The following DAB1 variants were observed in gnomAD, a reference collection of about 807,000 sequenced individuals.
The protein encoded by DAB1 is DAB adaptor protein 1.
In DAB1, 15 loss-of-function variants were observed where a neutral mutation model predicts 64.6. The ratio of observed to expected loss-of-function variants is 0.23; its 90% CI spans 0.16 to 0.36. The LOEUF is 0.36. Ranked by LOEUF, DAB1 falls within the 10% of genes least tolerant of loss-of-function variation. The pLI is 1.00. For missense variants in DAB1, 596 were observed against 706.7 expected (o/e 0.84, Z 1.78); for synonymous variants, 235 against 251.9 (o/e 0.93, Z 0.64).
At chr1:57,337,713 G>A (rs1677195701) in intron 1 of DAB1, among the ~76,000 whole-genome samples, 1 of 152,022 alleles carries the variant, frequency 6.6e-6, no homozygotes, top group Non-Finnish European at 1.5e-5. Context: ...ATGAATATTT[G>A]TGCCAGTGAG....
At chr1:57,049,095 A>T (rs1459102619) in intron 9 of DAB1, among the ~76,000 whole-genome samples, 2 of 152,140 alleles carry the variant, frequency 1.3e-5, no homozygotes, top group African/African-American at 2.4e-5. Flanking sequence ...TGAGTCCTGG[A>T]CTGAGAACAG....
chr1:57,758,574 G>A (rs1648925176), intron 6 of DAB1, among the ~76,000 whole-genome samples: 1 of 152,156 alleles, frequency 6.6e-6, no homozygotes, highest in South Asian at 2.1e-4. Flanking sequence ...ATTGGAGGAG[G>A]GAGGGAGCAA....
chr1:57,450,767 A>G (rs1478476267), intron 7 of DAB1, among the ~76,000 whole-genome samples: 1 of 152,224 alleles, frequency 6.6e-6, no homozygotes, highest in African/African-American at 2.4e-5. Context: ...TCACTCTTTT[A>G]AAACAATGAA....
chr1:57,004,289 C>T (rs1418840763), intron 14 of DAB1, among the ~76,000 whole-genome samples: 1 of 152,192 alleles, frequency 6.6e-6, no homozygotes, highest in Non-Finnish European at 1.5e-5. Flanking sequence ...TAACAAGACG[C>T]TCTTGGAAGC....
At chr1:57,394,111 C>T (rs1405000747) in intron 1 of DAB1, among the ~76,000 whole-genome samples, 13 of 152,174 alleles carry the variant, frequency 8.5e-5, no homozygotes, top group Admixed American at 6.5e-4. Context: ...ATATATGGTG[C>T]AGTGAAAGAA....
chr1:58,517,878 A>T (rs913791599), intron 2 of DAB1, among the ~76,000 whole-genome samples: 1 of 151,826 alleles, frequency 6.6e-6, no homozygotes, highest in Non-Finnish European at 1.5e-5. Context: ...GTCTTCTTAA[A>T]GCCTTATCTT....
chr1:57,084,294 C>A (rs1043882252), intron 4 of DAB1, among the ~76,000 whole-genome samples: 1 of 152,050 alleles, frequency 6.6e-6, no homozygotes, highest in Non-Finnish European at 1.5e-5. Flanking sequence ...TGGTGATATG[C>A]CCAGAAGAAA....
chr1:57,897,613 G>A (rs1342207429), intron 5 of DAB1, among the ~76,000 whole-genome samples: 1 of 152,114 alleles, frequency 6.6e-6, no homozygotes. Context: ...CCTTAAAATT[G>A]TATTACTCTC....
chr1:57,286,826 C>A (rs541217003), intron 2 of DAB1, among the ~76,000 whole-genome samples: 1 of 152,230 alleles, frequency 6.6e-6, no homozygotes, highest in South Asian at 2.1e-4. Flanking sequence ...CATTCCTTAA[C>A]CTAACGAATC....
At chr1:57,555,025 ATTTTTTTTT>A (rs34370854) in intron 7 of DAB1, among the ~76,000 whole-genome samples, 2 of 68,448 alleles carry the variant, frequency 2.9e-5, no homozygotes, top group African/African-American at 1.1e-4. Context: ...CGGTATCTCT[ATTTTTTTTT>A]TTTTTTTTTT....
At chr1:57,821,185 C>T (rs776578618), downstream of DAB1, among the ~76,000 whole-genome samples, 19 of 152,130 alleles carry the variant, frequency 1.2e-4, no homozygotes, top group Non-Finnish European at 1.9e-4. Flanking sequence ...GATGCACCAT[C>T]GCCCCCAGAG....
chr1:58,390,985 G>C (rs747324771), intron 3 of DAB1, among the ~76,000 whole-genome samples: 16 of 152,118 alleles, frequency 1.1e-4, no homozygotes, highest in African/African-American at 3.9e-4. Flanking sequence ...TAACGCATTC[G>C]TCATCTGAAA....
intron 4 of DAB1, among the ~76,000 whole-genome samples, chr1:58,159,276 T>C (rs1655383666): frequency 6.6e-6 from 1 of 152,164 alleles, no homozygotes; most frequent in Non-Finnish European, 1.5e-5. Flanking sequence ...TAAAGACTCA[T>C]TCAAGTCAAC....
chr1:57,119,589 C>A (rs1656452598), intron 4 of DAB1, among the ~76,000 whole-genome samples: 2 of 152,066 alleles, frequency 1.3e-5, no homozygotes. Context: ...GTGGTACAAG[C>A]CAAAGACTCT....
intron 2 of DAB1, among the ~76,000 whole-genome samples, chr1:57,175,039 A>T (rs1662154457): frequency 6.6e-6 from 1 of 152,204 alleles, no homozygotes; most frequent in African/African-American, 2.4e-5. Flanking sequence ...ACACGGACTC[A>T]GAAGGACGCG....
At chr1:58,544,635 T>C (rs551367370) in intron 1 of DAB1, among the ~76,000 whole-genome samples, 31 of 152,310 alleles carry the variant, frequency 2.0e-4, no homozygotes, top group African/African-American at 4.8e-4. Context: ...TTTGTCGTTG[T>C]CCAGGCTGGA....
chr1:57,798,443 A>G (rs1428017170), intron 6 of DAB1, among the ~76,000 whole-genome samples: 1 of 152,196 alleles, frequency 6.6e-6, no homozygotes, highest in African/African-American at 2.4e-5. Flanking sequence ...TTGCTGTGCC[A>G]CTAAGATCTT....
intron 5 of DAB1, among the ~76,000 whole-genome samples, chr1:58,046,738 G>C (rs1647273394): frequency 6.6e-6 from 1 of 152,170 alleles, no homozygotes; most frequent in Admixed American, 6.5e-5. Flanking sequence ...CCTTTGTGTG[G>C]TGCAGTAAAC....
At position 57,290,989 on chromosome 1, in the gene DAB1, G is replaced by T; in HGVS notation, c.42C>A (p.Ser14Arg). 4.3e-6 allele frequency: 7 copies of T among 1,610,184 alleles called. No individual in the cohort carries two copies. Among genetic ancestry groups the T allele is most frequent in the Non-Finnish European group, 5.9e-6 (7 of 1,178,106 alleles). ...CTTTCTTTCTGGAGTCTTTCTTGGC[G>T]CTGGTTTTCACAGCTACTTGAAGTT... ...ETELQVAVKT[S>R]AKKDSRKKGQ... Residue 14 changes from serine (S) to arginine (R), a missense_variant, in exon 2 of 15, where the codon AGC (serine) becomes AGA (arginine). Ser to Arg is a moderately radical substitution (Grantham distance 110). Transcript: ENST00000371236.
Sources: allele counts gnomAD v4.1 joint callset (sites outside exome capture counted in the v4.1 genomes callset), GRCh38; gene constraint gnomAD v4.1.1; transcripts MANE v1.5; gene names NCBI Gene and HGNC (gene_info 2026-07-23, HGNC 2026-07-21).